The following STXBP5 variants were observed in gnomAD, a reference collection of about 807,000 sequenced individuals.
STXBP5 encodes syntaxin binding protein 5.
STXBP5 carries 50 observed loss-of-function variants against 152.4 expected under a neutral mutation model. That is an observed-to-expected ratio of 0.33 (90% confidence interval 0.26 to 0.42). The LOEUF (loss-of-function observed/expected upper bound fraction) is 0.42. Among genes scored for constraint, STXBP5 ranks in the 10% least tolerant of loss-of-function variants. The pLI is 1.00. For missense variants in STXBP5, 1,167 were observed against 1,388.6 expected, an observed-to-expected ratio of 0.84 and a Z score of 2.54; for synonymous variants, 492 against 494.7, an observed-to-expected ratio of 0.99 and a Z score of 0.07.
chr6:147,309,913 T>C (rs1264865123), intron 9 of STXBP5, among the ~76,000 whole-genome samples, 171 bp from the exon 10 acceptor site: 1 of 152,164 alleles, frequency 6.6e-6, no homozygotes, highest in Non-Finnish European at 1.5e-5. Flanking sequence ...AGCAATTCAC[T>C]TGGGTCTTAA....
At chr6:147,225,773 C>T (rs1777679163) in intron 2 of STXBP5, among the ~76,000 whole-genome samples, 1 of 151,960 alleles carries the variant, frequency 6.6e-6, no homozygotes, top group Non-Finnish European at 1.5e-5. Context: ...ACTTTGCTGA[C>T]AGTACAAATC....
chr6:147,386,842 G>A lies in STXBP5; in HGVS notation c.*2087G>A, dbSNP rs969805846. ...ATATACTGGTTGGTTCCCTATCTAT[G>A]TGGAAGGTCATATTAGCTGCAATTA... On this transcript the variant is annotated 3_prime_UTR_variant, in exon 28 of 28. Coordinates refer to ENST00000321680, the MANE Select transcript of STXBP5 (RefSeq NM_001127715.4). The A allele has an allele frequency of 1.3e-4, 20 of 151,688 alleles. No homozygotes were observed. Among genetic ancestry groups the A allele is most frequent in the Admixed American group, 1.3e-3 (20 of 15,188 alleles). 9.4% of individuals were successfully genotyped at this position (151,688 alleles called of 1,614,324 possible). A position where few individuals can be genotyped will look rare whatever the true frequency, so the allele number is the denominator to read the frequency against.
chr6:147,384,662 G>A, intron 27 of STXBP5, 52 bp from the exon 28 acceptor site: 7 of 1,547,974 alleles, frequency 4.5e-6, no homozygotes, highest in African/African-American at 1.4e-5. Context: ...ACTTATAAAT[G>A]TTATTGTTCC....
At chr6:147,285,464 T>A (rs1404969076) in intron 8 of STXBP5, among the ~76,000 whole-genome samples, 1 of 151,966 alleles carries the variant, frequency 6.6e-6, no homozygotes, top group South Asian at 2.1e-4. Context: ...TGGAAAGATA[T>A]CAGAATATGC....
chr6:147,314,507 C>T (rs765317388), intron 13 of STXBP5, 89 bp from the exon 14 acceptor site: 16 of 1,419,070 alleles, frequency 1.1e-5, no homozygotes, highest in Non-Finnish European at 1.6e-5. Context: ...CCTTTTTACT[C>T]ATTTTGTTGA....
At chr6:147,272,624 A>G (rs951943568) in intron 7 of STXBP5, among the ~76,000 whole-genome samples, 1 of 152,144 alleles carries the variant, frequency 6.6e-6, no homozygotes, top group Non-Finnish European at 1.5e-5. Flanking sequence ...ACAAAATACT[A>G]CCTTTCCCCT....
chr6:147,252,770 A>G (rs545336619), intron 4 of STXBP5, among the ~76,000 whole-genome samples: 1 of 152,290 alleles, frequency 6.6e-6, no homozygotes, highest in South Asian at 2.1e-4. Context: ...AAGACACACA[A>G]TTGTCAGATT....
chr6:147,336,610 A>C (rs747032420), intron 19 of STXBP5, among the ~76,000 whole-genome samples: 4 of 152,090 alleles, frequency 2.6e-5, no homozygotes, highest in Non-Finnish European at 5.9e-5. Context: ...AGCCTCAAAT[A>C]GTTTCCACAA....
Position 147,260,656 on chromosome 6 carries a change from A to C in STXBP5, c.473A>C (p.Tyr158Ser). 1 of 1,613,772 alleles carries C rather than the reference A, an allele frequency of 6.2e-7. No individual in the cohort carries two copies. The highest frequency in any genetic ancestry group is 8.5e-7 in the Non-Finnish European group (1 of 1,179,764). Residue 158 changes from tyrosine (Y) to serine (S), a missense_variant, in exon 5 of 28, where the codon TAT becomes TCT. This residue lies in a region of STXBP5 where 310 missense variants were observed against 346.1 expected (regional missense o/e 0.90). Transcript: ENST00000321680. Reference protein sequence around the residue: ...CHLPFQSKWLYVGTERGNIHI... With the variant: ...CHLPFQSKWLSVGTERGNIHI... ...CTGCCTTTCCAGAGTAAGTGGCTCTATGTGGGCACTGAACGAGGTAATATA... is the reference window on the plus strand; with the variant it reads ...CTGCCTTTCCAGAGTAAGTGGCTCTCTGTGGGCACTGAACGAGGTAATATA...
At chr6:147,271,462 G>A (rs915125986) in intron 7 of STXBP5, among the ~76,000 whole-genome samples, 2 of 151,902 alleles carry the variant, frequency 1.3e-5, no homozygotes, top group Admixed American at 1.3e-4. Context: ...CATATAAAAT[G>A]TTATTTTACT....
chr6:147,233,466 G>A (rs962115315), intron 2 of STXBP5, among the ~76,000 whole-genome samples: 18 of 151,770 alleles, frequency 1.2e-4, no homozygotes, highest in Non-Finnish European at 2.4e-4. Context: ...TGTATGTTTT[G>A]TGATAATATT....
At chr6:147,290,010 G>A (rs981615902) in intron 8 of STXBP5, among the ~76,000 whole-genome samples, 1 of 152,014 alleles carries the variant, frequency 6.6e-6, no homozygotes, top group African/African-American at 2.4e-5. Flanking sequence ...GACCAGCCTG[G>A]GTAACATGGT....
intron 23 of STXBP5, among the ~76,000 whole-genome samples, chr6:147,360,452 T>G (rs992525141): frequency 2.6e-5 from 4 of 152,224 alleles, no homozygotes; most frequent in Non-Finnish European, 5.9e-5. Flanking sequence ...CAGGATGTTG[T>G]TTGTTTATAC....
At chr6:147,297,439 C>A (rs1026433551) in intron 9 of STXBP5, among the ~76,000 whole-genome samples, 3 of 152,092 alleles carry the variant, frequency 2.0e-5, no homozygotes, top group African/African-American at 7.2e-5. Context: ...ATTGGCCTAA[C>A]AAGAAATGAT....
intron 4 of STXBP5, among the ~76,000 whole-genome samples, chr6:147,242,026 G>A (rs1226985088): frequency 1.3e-5 from 2 of 152,034 alleles, no homozygotes; most frequent in African/African-American, 4.8e-5. Flanking sequence ...AGAAGGCATT[G>A]TTATCATAGG....
At chr6:147,257,569 A>G (rs540260131) in intron 4 of STXBP5, among the ~76,000 whole-genome samples, 21 of 152,246 alleles carry the variant, frequency 1.4e-4, no homozygotes, top group Non-Finnish European at 1.6e-4. Flanking sequence ...TTAATGATCT[A>G]TATCACCATA....
intron 7 of STXBP5, among the ~76,000 whole-genome samples, chr6:147,271,127 A>C (rs1169140386): frequency 6.6e-6 from 1 of 152,164 alleles, no homozygotes; most frequent in African/African-American, 2.4e-5. Flanking sequence ...CTATGTCAAT[A>C]ATCAGATTAA....
In STXBP5 at chr6:147,278,065, T is replaced by C; in HGVS notation, c.715-16T>C. ...TTAAATAGATTTTTTAAATGGTATT[T>C]TTCATCCTTCTATAGGCTATCCACT... On this transcript the variant is annotated splice_polypyrimidine_tract_variant and intron_variant, in intron 7 of 27. Coordinates refer to ENST00000321680, the MANE Select transcript of STXBP5 (RefSeq NM_001127715.4). 1 of 1,594,752 alleles carries C rather than the reference T, an allele frequency of 6.3e-7. No individual in the cohort carries two copies. Among genetic ancestry groups the C allele is most frequent in the Non-Finnish European group, 8.5e-7 (1 of 1,169,714 alleles).
chr6:147,342,347 A>G (rs774655466), intron 21 of STXBP5, among the ~76,000 whole-genome samples: 2 of 152,186 alleles, frequency 1.3e-5, no homozygotes, highest in Non-Finnish European at 2.9e-5. Context: ...GCCTAGCTTC[A>G]TAGTTTATTT....
Sources: gnomAD v4.1 joint callset for allele counts (sites outside exome capture counted in the v4.1 genomes callset) on GRCh38, gnomAD v4.1.1 for gene constraint, gnomAD v4.1.1 regional missense constraint, MANE v1.5 for transcripts, NCBI Gene and HGNC (gene_info 2026-07-23, HGNC 2026-07-21) for gene names.